The following TMEM108 variants were observed in gnomAD, a reference collection of about 807,000 sequenced individuals.
TMEM108 encodes cancer/testis antigen 124.
In TMEM108, 12 loss-of-function variants were observed where a neutral mutation model predicts 35.1. The observed-to-expected ratio is 0.34, with a 90% CI of 0.22 to 0.55. The LOEUF is 0.55. Among genes scored for constraint, TMEM108 ranks in the 20% least tolerant of loss-of-function variants. The pLI, the probability that TMEM108 is intolerant of heterozygous loss-of-function variation, is 0.89. For missense variants in TMEM108, 680 were observed against 753.3 expected (o/e 0.90, Z 1.14); for synonymous variants, 287 against 308.6 (o/e 0.93, Z 0.73).
intron 2 of TMEM108, among the ~76,000 whole-genome samples, chr3:133,205,895 T>G (rs1477596854): frequency 1.3e-5 from 2 of 152,222 alleles, no homozygotes; most frequent in Non-Finnish European, 2.9e-5. Context: ...AAGAGTGTTT[T>G]CCAACTTGGT....
chr3:133,076,513 A>G (rs1943744983), intron 2 of TMEM108, among the ~76,000 whole-genome samples: 1 of 152,222 alleles, frequency 6.6e-6, no homozygotes, highest in African/African-American at 2.4e-5. Flanking sequence ...AATTGACTAT[A>G]ACAGAAGGGC....
At position 133,078,140 on chromosome 3, in the gene TMEM108, A is replaced by AGTGTGTGTGTGTGTGTGTGT. The variant is rs745912251; in HGVS notation, c.-47+32139_-47+32140insTGTGTGTGTGTGTGTGTGTG. On this transcript the variant is annotated intron_variant, in intron 2 of 5. Transcript: ENST00000321871. ...AAAAATGGTGGAGTTTATGGAGCTC[A>AGTGTGTGTGTGTGTGTGTGT]GTGTGTGTGTGTGTGTGTGCACGCG... is the stretch of plus-strand genomic sequence containing the variant. Among the ~76,000 whole-genome samples, 583 of 106,210 alleles carry AGTGTGTGTGTGTGTGTGTGT rather than the reference A, an allele frequency of 5.5e-3. 11 individuals carry two copies. The highest frequency in any genetic ancestry group is 0.02 in the African/African-American group (449 of 22,194). The allele number at this position is 106,210 out of a possible 152,430, so 69.7% of individuals were successfully genotyped here.
At chr3:133,228,117 C>T (rs1222899332) in intron 2 of TMEM108, among the ~76,000 whole-genome samples, 2 of 151,452 alleles carry the variant, frequency 1.3e-5, no homozygotes, top group Non-Finnish European at 1.5e-5. Flanking sequence ...GGTTGGACAA[C>T]TTTTGAATAT....
chr3:133,331,108 A>G (rs1016601893), intron 3 of TMEM108, among the ~76,000 whole-genome samples: 11 of 152,180 alleles, frequency 7.2e-5, no homozygotes, highest in African/African-American at 2.7e-4. Flanking sequence ...CTAATAAAAA[A>G]TCAAAAAGTC....
intron 3 of TMEM108, among the ~76,000 whole-genome samples, chr3:133,288,206 C>T (rs1327671388): frequency 6.6e-6 from 1 of 152,168 alleles, no homozygotes; most frequent in Non-Finnish European, 1.5e-5. Flanking sequence ...GAAAGTTCAA[C>T]CTCCTGCCCT....
intron 2 of TMEM108, among the ~76,000 whole-genome samples, chr3:133,175,735 C>T (rs1432427043): frequency 6.6e-6 from 1 of 152,188 alleles, no homozygotes; most frequent in African/African-American, 2.4e-5. Flanking sequence ...ATTGTAAAGA[C>T]CATCAATGCT....
At chr3:133,325,647 A>C (rs1173618648) in intron 3 of TMEM108, among the ~76,000 whole-genome samples, 1 of 152,012 alleles carries the variant, frequency 6.6e-6, no homozygotes, top group Admixed American at 6.6e-5. Context: ...ACTGGAGCCC[A>C]GGAGTTCAAG....
chr3:133,167,537 G>A (rs578171812), intron 2 of TMEM108, among the ~76,000 whole-genome samples: 8 of 152,378 alleles, frequency 5.3e-5, no homozygotes, highest in East Asian at 3.9e-4. Flanking sequence ...GCCCTGCCCC[G>A]CGGGGAGGCG....
At chr3:133,364,022 CT>C (rs2072433526) in intron 3 of TMEM108, among the ~76,000 whole-genome samples, 1 of 152,190 alleles carries the variant, frequency 6.6e-6, no homozygotes, top group Non-Finnish European at 1.5e-5. Context: ...TTAAATAATG[CT>C]TACTGTGTAC....
chr3:133,347,405 G>A (rs1485910203), intron 3 of TMEM108, among the ~76,000 whole-genome samples: 1 of 151,350 alleles, frequency 6.6e-6, no homozygotes. Flanking sequence ...TTTCTTTTTG[G>A]TGTTAGTGTA....
At chr3:133,159,514 A>AT (rs1232654096) in intron 2 of TMEM108, among the ~76,000 whole-genome samples, 1 of 151,936 alleles carries the variant, frequency 6.6e-6, no homozygotes, top group East Asian at 1.9e-4. Flanking sequence ...TTCTGGTATA[A>AT]TTTTTTCCAG....
intron 2 of TMEM108, among the ~76,000 whole-genome samples, chr3:133,126,114 C>A (rs532665155): frequency 3.2e-4 from 48 of 152,120 alleles, no homozygotes; most frequent in Non-Finnish European, 6.8e-4. Flanking sequence ...CATGGTGAAC[C>A]CTAGTGTGAT....
chr3:133,201,942 C>T (rs1312536325), intron 2 of TMEM108, among the ~76,000 whole-genome samples: 1 of 152,100 alleles, frequency 6.6e-6, no homozygotes, highest in Admixed American at 6.5e-5. Context: ...CCTATTTTTC[C>T]ACGTCCTCTC....
At chr3:133,324,462 C>T (rs1250294139) in intron 3 of TMEM108, among the ~76,000 whole-genome samples, 1 of 152,128 alleles carries the variant, frequency 6.6e-6, no homozygotes, top group Admixed American at 6.5e-5. Flanking sequence ...GTCATTACCA[C>T]AATGAGATAC....
intron 3 of TMEM108, among the ~76,000 whole-genome samples, chr3:133,345,537 A>G (rs1348965413): frequency 3.3e-5 from 5 of 151,884 alleles, no homozygotes; most frequent in African/African-American, 1.2e-4. Flanking sequence ...CCAGACACTC[A>G]AATAAATGCA....
At chr3:133,087,664 G>A (rs1943900103) in intron 2 of TMEM108, among the ~76,000 whole-genome samples, 1 of 152,154 alleles carries the variant, frequency 6.6e-6, no homozygotes. Context: ...TATCCTTCTT[G>A]GGCTCCCTGG....
chr3:133,367,909 G>A (rs1655735722), intron 3 of TMEM108, among the ~76,000 whole-genome samples: 1 of 152,186 alleles, frequency 6.6e-6, no homozygotes. Flanking sequence ...GAGGATGTCA[G>A]GTCAAAAGCC....
intron 3 of TMEM108, among the ~76,000 whole-genome samples, chr3:133,294,270 G>T (rs1457004270): frequency 3.9e-5 from 6 of 152,164 alleles, no homozygotes; most frequent in Non-Finnish European, 7.3e-5. Flanking sequence ...TGAGCTGATA[G>T]CAACATGGCA....
chr3:133,181,029 AAAAAAAAAAC>A (rs946668408), intron 2 of TMEM108, among the ~76,000 whole-genome samples: 3 of 143,996 alleles, frequency 2.1e-5, no homozygotes, highest in African/African-American at 7.8e-5. Context: ...AAAAAAAAAA[AAAAAAAAAAC>A]AGCACTCCCA....
Sources: gnomAD v4.1 joint callset for allele counts (sites outside exome capture counted in the v4.1 genomes callset) on GRCh38, gnomAD v4.1.1 for gene constraint, MANE v1.5 for transcripts, NCBI Gene and HGNC (gene_info 2026-07-23, HGNC 2026-07-21) for gene names.